Variants in TBC1D9 observed in about 807,000 individuals in gnomAD.
The protein encoded by TBC1D9 is TBC1 domain family member 9.
A neutral mutation model predicts 132.0 loss-of-function variants in TBC1D9; 63 were observed. The observed-to-expected ratio is 0.48, with a 90% CI of 0.39 to 0.59. TBC1D9 has a LOEUF of 0.59. Among genes scored for constraint, TBC1D9 ranks in the 20% least tolerant of loss-of-function variants. The pLI is 0.00. For missense variants in TBC1D9, 1,261 were observed against 1,592.7 expected, an observed-to-expected ratio of 0.79 and a Z score of 3.54; for synonymous variants, 610 against 609.9, an observed-to-expected ratio of 1.00 and a Z score of 0.00.
At chr4:140,689,316 C>T (rs1034174766) in intron 2 of TBC1D9, among the ~76,000 whole-genome samples, 4 of 152,018 alleles carry the variant, frequency 2.6e-5, no homozygotes, top group Admixed American at 6.6e-5. Context: ...CCTTGGTTGT[C>T]GTGGATAGAA....
In TBC1D9 at chr4:140,701,579, A is replaced by G. The variant is rs1335255196; in HGVS notation, c.166T>C (p.Ser56Pro). The change falls in exon 2 of 21, where the codon TCC becomes CCC. Residue 56 changes from serine (S) to proline (P), a missense_variant. Transcript: ENST00000442267. ...CGGTAAGGAGCGACCCGGGCGCTGG[A>G]GTCCAACACAACATCAAGGGTACCC... is the stretch of plus-strand genomic sequence containing the variant. Reference protein sequence around the residue: ...LVGTLDVVLDSSARVAPYRIL... With the variant: ...LVGTLDVVLDPSARVAPYRIL... The G allele has an allele frequency of 6.2e-7, 1 of 1,613,970 alleles. No individual in the cohort carries two copies.
chr4:140,727,030 A>G (rs575522951), intron 1 of TBC1D9, among the ~76,000 whole-genome samples: 1 of 152,350 alleles, frequency 6.6e-6, no homozygotes, highest in South Asian at 2.1e-4. Flanking sequence ...TCATTCTGAT[A>G]ACCCCAAATA....
intron 9 of TBC1D9, among the ~76,000 whole-genome samples, chr4:140,667,591 A>G (rs1560879131): frequency 6.6e-6 from 1 of 152,158 alleles, no homozygotes; most frequent in Non-Finnish European, 1.5e-5. Flanking sequence ...ATGAGGAGCT[A>G]TGGCTGGTCC....
chr4:140,743,249 T>C (rs1469330245), intron 1 of TBC1D9, among the ~76,000 whole-genome samples: 6 of 152,178 alleles, frequency 3.9e-5, no homozygotes, highest in Non-Finnish European at 8.8e-5. Flanking sequence ...ACTCACACAT[T>C]GCTGTGAATT....
In TBC1D9 at chr4:140,706,025, A is replaced by C. The variant is rs79794921; in HGVS notation, c.131-4411T>G. On this transcript the variant is annotated intron_variant, in intron 1 of 20. Coordinates refer to ENST00000442267, the MANE Select transcript of TBC1D9 (RefSeq NM_015130.3). This position sits in a 1 kb window ranked among gnomAD's most constrained non-coding sequence, Gnocchi z 4.0. Reference sequence around the variant, plus strand: ...ATTTGCTTCCCATTTGGTTGTGGGCACTGGAAGATGTGTGATGCACAGTCA... The same window carrying C: ...ATTTGCTTCCCATTTGGTTGTGGGCCCTGGAAGATGTGTGATGCACAGTCA... 0.011 allele frequency among the ~76,000 whole-genome samples: 1,699 copies of C among 152,314 alleles called. 29 individuals carry two copies. Among genetic ancestry groups the C allele is most frequent in the African/African-American group, 0.039 (1,629 of 41,568 alleles).
chr4:140,738,200 A>C (rs1187472137), intron 1 of TBC1D9, among the ~76,000 whole-genome samples: 1 of 152,162 alleles, frequency 6.6e-6, no homozygotes, highest in Non-Finnish European at 1.5e-5. Flanking sequence ...TTGGGACCTC[A>C]AACTCACTAT....
At position 140,667,493 on chromosome 4, in the gene TBC1D9, AG is replaced by A. The variant is rs1184024691; in HGVS notation, c.1588+1423del. 4.6e-5 allele frequency among the ~76,000 whole-genome samples: 7 copies of A among 152,256 alleles called. No homozygotes were observed. In the East Asian group the frequency reaches 1.3e-3, roughly 29 times the overall value. On this transcript the variant is annotated intron_variant, in intron 9 of 20. Coordinates refer to ENST00000442267, the MANE Select transcript of TBC1D9 (RefSeq NM_015130.3). ...TCAAGGTGACTAGTTCACTAAACAC[AG>A]GGAAGACAAGAAAAGACTGGATGGT...
intron 2 of TBC1D9, among the ~76,000 whole-genome samples, chr4:140,694,961 C>A (rs532746117): frequency 3.6e-4 from 55 of 152,122 alleles, no homozygotes; most frequent in African/African-American, 1.3e-3. Context: ...CGAGAATAGT[C>A]CTTGAGTTAC....
In TBC1D9 at chr4:140,622,864, G is replaced by T; in HGVS notation, c.3132C>A (p.Pro1044=). The T allele has an allele frequency of 6.3e-7, 1 of 1,588,834 alleles. No individual in the cohort carries two copies. The highest frequency in any genetic ancestry group is 2.3e-5 in the East Asian group (1 of 44,112). ...KTMYNMFSED[P]NEQELYHATA... ...TGGCGTGGTACAGCTCCTGCTCATTGGGGTCTTCGCTGAACATGTTATACA... is the reference window on the plus strand; with the variant it reads ...TGGCGTGGTACAGCTCCTGCTCATTTGGGTCTTCGCTGAACATGTTATACA... Residue 1044 remains proline, a synonymous_variant, in exon 21 of 21, where the codon CCC becomes CCA. Transcript: ENST00000442267.
At position 140,659,578 on chromosome 4, in the gene TBC1D9, C is replaced by T. The variant is rs761996157; in HGVS notation, c.1921+10G>A. On this transcript the variant is annotated intron_variant, in intron 11 of 20. Coordinates refer to ENST00000442267, the MANE Select transcript of TBC1D9 (RefSeq NM_015130.3). The stretch of plus-strand genomic sequence containing the variant: ...ACATAGGTTGAAATGTTAAATGCAT[C>T]TCCACTTACCCACAACTCTGGTGTT... 1 of 1,558,602 alleles carries T rather than the reference C, an allele frequency of 6.4e-7. No homozygotes were observed. Among genetic ancestry groups the T allele is most frequent in the South Asian group, 1.2e-5 (1 of 84,308 alleles).
Position 140,621,121 on chromosome 4 carries a change from T to C in TBC1D9, c.*1074A>G, listed in dbSNP as rs751950248. ...CCACATCCATTCAGGAAATAGAGCA[T>C]ACTATTCTTTTATATAAAGTGACAA... On this transcript the variant is annotated 3_prime_UTR_variant, in exon 21 of 21. Transcript: ENST00000442267. 2.0e-5 allele frequency: 3 copies of C among 152,672 alleles called. No homozygotes were observed. Among genetic ancestry groups the C allele is most frequent in the East Asian group, 1.9e-4 (1 of 5,204 alleles). The allele number at this position is 152,672 out of a possible 1,614,324, so 9.5% of individuals were successfully genotyped here.
At chr4:140,731,526 T>C (rs941044958) in intron 1 of TBC1D9, among the ~76,000 whole-genome samples, 2 of 152,096 alleles carry the variant, frequency 1.3e-5, no homozygotes, top group African/African-American at 2.4e-5. Flanking sequence ...AACCTGTCTC[T>C]ATAAAAATAA....
At chr4:140,668,580 G>A (rs1425341170) in intron 9 of TBC1D9, among the ~76,000 whole-genome samples, 1 of 152,110 alleles carries the variant, frequency 6.6e-6, no homozygotes, top group African/African-American at 2.4e-5. Flanking sequence ...ACGTAGCTGG[G>A]CAAGGAAAAA....
At chr4:140,658,129 T>A (rs1206688366) in intron 11 of TBC1D9, among the ~76,000 whole-genome samples, 1 of 152,242 alleles carries the variant, frequency 6.6e-6, no homozygotes, top group Non-Finnish European at 1.5e-5. Context: ...GTTGGCAACA[T>A]AATGTTTGGT....
rs115996789 is a variant in TBC1D9 at position 140,739,078 on chromosome 4, C to T, written c.130+16838G>A. Among the ~76,000 whole-genome samples, 463 of 151,718 alleles carry T rather than the reference C, an allele frequency of 3.1e-3. 2 individuals are homozygous for T. The highest frequency in any genetic ancestry group is 0.017 in the Middle Eastern group (5 of 294). ...CCCAGGCTGGAGTGCAATGGCGCAA[C>T]CTCCACCTTCTGGATTCAAGTGATT... On this transcript the variant is annotated intron_variant, in intron 1 of 20. Coordinates refer to ENST00000442267, the MANE Select transcript of TBC1D9 (RefSeq NM_015130.3).
Position 140,701,491 on chromosome 4 carries a change from T to G in TBC1D9, c.241+13A>C. On this transcript the variant is annotated intron_variant, in intron 2 of 20. Coordinates refer to ENST00000442267, the MANE Select transcript of TBC1D9 (RefSeq NM_015130.3). ...CTTTTAAAACTTGTGTATTTCTGGA[T>G]GTGGTTGCTTACCACAGGCGATGGT... 1 of 1,600,874 alleles carries G rather than the reference T, an allele frequency of 6.2e-7. No individual in the cohort carries two copies. Among genetic ancestry groups the G allele is most frequent in the South Asian group, 1.1e-5 (1 of 90,764 alleles).
At chr4:140,730,843 G>T (rs1738579151) in intron 1 of TBC1D9, among the ~76,000 whole-genome samples, 1 of 152,214 alleles carries the variant, frequency 6.6e-6, no homozygotes, top group Admixed American at 6.5e-5. Context: ...CAAGTATGAG[G>T]CACGAGTACT....
rs566685154 is a variant in TBC1D9, at chr4:140,656,081, A to G, written c.2337+1016T>C. Among the ~76,000 whole-genome samples the G allele has an allele frequency of 3.6e-4, 55 of 152,280 alleles. No individual in the cohort carries two copies. In the East Asian group the frequency reaches 7.7e-3, roughly 21 times the overall value. On this transcript the variant is annotated intron_variant, in intron 13 of 20. Transcript: ENST00000442267. ...CATTAAGACATCCAGGCTCCATTCAATGTCCATCTCTGGAGGCCAAAGCTG... is the reference window on the plus strand; with the variant it reads ...CATTAAGACATCCAGGCTCCATTCAGTGTCCATCTCTGGAGGCCAAAGCTG...
At chr4:140,681,664 C>G (rs1389796783) in intron 3 of TBC1D9, among the ~76,000 whole-genome samples, 1 of 152,198 alleles carries the variant, frequency 6.6e-6, no homozygotes, top group South Asian at 2.1e-4. Flanking sequence ...CCTGACAACA[C>G]TCTCCACACT....
Sources: allele counts gnomAD v4.1 joint callset (sites outside exome capture counted in the v4.1 genomes callset), GRCh38; gene constraint gnomAD v4.1.1; non-coding constraint Gnocchi (gnomAD v3.1); transcripts MANE v1.5; gene names NCBI Gene and HGNC (gene_info 2026-07-23, HGNC 2026-07-21).